The following BBOX1 variants were observed in gnomAD, a reference collection of about 807,000 sequenced individuals.
BBOX1 encodes gamma-butyrobetaine dioxygenase.
A neutral mutation model predicts 41.6 loss-of-function variants in BBOX1; 35 were observed. That is an observed-to-expected ratio of 0.84 (90% CI 0.64 to 1.11). The LOEUF is 1.11. BBOX1 is among the 50% of genes most tolerant of loss of function. The probability of loss-of-function intolerance (pLI) is 0.00; values close to 1 mark genes in which losing one functional copy is unlikely to be tolerated. For synonymous variants in BBOX1, 163 were observed against 154.7 expected (o/e 1.05, Z -0.40); for missense variants, 458 against 460.6 (o/e 0.99, Z 0.05).
chr11:27,081,144 A>C (rs1857821030), intron 4 of BBOX1, among the ~76,000 whole-genome samples: 1 of 152,172 alleles, frequency 6.6e-6, no homozygotes, highest in African/African-American at 2.4e-5. Flanking sequence ...TGTAGCCTTT[A>C]TTCTCATCTC....
intron 4 of BBOX1, among the ~76,000 whole-genome samples, chr11:27,079,442 CAT>C (rs1399436198): frequency 6.6e-6 from 1 of 152,104 alleles, no homozygotes; most frequent in Non-Finnish European, 1.5e-5. Flanking sequence ...TTATATGTCA[CAT>C]ATGTGCTAGA....
chr11:27,048,548 AGATAGAT>A (rs1208617756), intron 2 of BBOX1, among the ~76,000 whole-genome samples: 6 of 151,978 alleles, frequency 3.9e-5, no homozygotes, highest in Non-Finnish European at 7.4e-5. Flanking sequence ...ATAGATAGAT[AGATAGAT>A]AATAGATAGA....
intron 8 of BBOX1, among the ~76,000 whole-genome samples, chr11:27,126,737 G>A (rs1859670500): frequency 6.7e-6 from 1 of 148,298 alleles, no homozygotes; most frequent in South Asian, 2.1e-4. Context: ...GTACAGTGGC[G>A]TGATCTCGGC....
chr11:27,089,608 A>T (rs1404314017), intron 4 of BBOX1, among the ~76,000 whole-genome samples: 1 of 152,044 alleles, frequency 6.6e-6, no homozygotes, highest in Non-Finnish European at 1.5e-5. Flanking sequence ...TTATTCAGTG[A>T]TAAGAACAAA....
At chr11:27,103,971 A>AAAACTGGCT (rs1310751714) in intron 5 of BBOX1, among the ~76,000 whole-genome samples, 1 of 152,172 alleles carries the variant, frequency 6.6e-6, no homozygotes, top group Non-Finnish European at 1.5e-5. Flanking sequence ...GCTATGTTTC[A>AAAACTGGCT]AAACTGGCTA....
At position 27,102,896 on chromosome 11, in the gene BBOX1, A is replaced by G. The variant is rs567679747; in HGVS notation, c.533+9530A>G. ...TGGCAATATGATTTTCTTTTCCTTA[A>G]AAATAATTTGATGGCCAGGCATGGT... On this transcript the variant is annotated intron_variant, in intron 5 of 8. Transcript: ENST00000263182. 4.1e-4 allele frequency among the ~76,000 whole-genome samples: 62 copies of G among 152,242 alleles called. No homozygotes were observed. The Middle Eastern group carries it at 0.01, about 25-fold the overall frequency.
At chr11:27,072,014 G>A (rs896214177) in intron 4 of BBOX1, among the ~76,000 whole-genome samples, 34 of 152,184 alleles carry the variant, frequency 2.2e-4, no homozygotes, top group African/African-American at 7.2e-4. Context: ...CTGGTCACAA[G>A]ACAAGGATGC....
At chr11:27,118,650 A>G (rs576358155) in intron 6 of BBOX1, among the ~76,000 whole-genome samples, 1 of 151,750 alleles carries the variant, frequency 6.6e-6, no homozygotes, top group Admixed American at 6.6e-5. Flanking sequence ...CATGACAGGC[A>G]TGTATTTGCG....
intron 5 of BBOX1, among the ~76,000 whole-genome samples, chr11:27,112,389 C>T (rs948931949): frequency 6.6e-6 from 1 of 151,816 alleles, no homozygotes; most frequent in African/African-American, 2.4e-5. Context: ...CACGTAGGTG[C>T]CTAAAGTTTT....
intron 5 of BBOX1, among the ~76,000 whole-genome samples, chr11:27,101,985 T>A (rs1344110287): frequency 6.6e-6 from 1 of 152,060 alleles, no homozygotes. Flanking sequence ...TTGACAAGTA[T>A]CTCCCCTTTT....
intron 5 of BBOX1, among the ~76,000 whole-genome samples, chr11:27,096,582 C>T (rs934026061): frequency 3.3e-5 from 5 of 151,934 alleles, no homozygotes; most frequent in South Asian, 2.1e-4. Context: ...GTACCCACCT[C>T]GCACTTTGCC....
chr11:27,072,490 T>C (rs1857487167), intron 4 of BBOX1, among the ~76,000 whole-genome samples: 2 of 152,176 alleles, frequency 1.3e-5, no homozygotes, highest in African/African-American at 4.8e-5. Flanking sequence ...AAAATGGCCA[T>C]GCTGCCCAAG....
intron 4 of BBOX1, among the ~76,000 whole-genome samples, chr11:27,064,509 T>C (rs1376239863): frequency 1.3e-5 from 2 of 152,228 alleles, no homozygotes; most frequent in Non-Finnish European, 2.9e-5. Context: ...GAAATATCTC[T>C]AGGTTTTCTG....
intron 2 of BBOX1, among the ~76,000 whole-genome samples, chr11:27,043,715 T>G (rs1851411500): frequency 6.6e-6 from 1 of 152,146 alleles, no homozygotes; most frequent in African/African-American, 2.4e-5. Flanking sequence ...GTTCTTGTGA[T>G]AGTTTGCTGA....
intron 5 of BBOX1, among the ~76,000 whole-genome samples, chr11:27,111,386 A>C (rs1250234087): frequency 1.3e-5 from 2 of 151,978 alleles, no homozygotes; most frequent in Admixed American, 6.6e-5. Flanking sequence ...AAAATTACCC[A>C]TTGGGTACTA....
intron 2 of BBOX1, among the ~76,000 whole-genome samples, chr11:27,049,907 T>G (rs1438168166): frequency 1.3e-5 from 2 of 152,138 alleles, no homozygotes; most frequent in African/African-American, 4.8e-5. Flanking sequence ...TCATTTGGGT[T>G]CATATCCAAA....
At chr11:27,090,134 A>G (rs1858190930) in intron 4 of BBOX1, among the ~76,000 whole-genome samples, 1 of 151,970 alleles carries the variant, frequency 6.6e-6, no homozygotes, top group African/African-American at 2.4e-5. Context: ...GGGGAACTTC[A>G]CGAACATGAA....
At chr11:27,098,524 GAAC>G (rs1418900125) in intron 5 of BBOX1, among the ~76,000 whole-genome samples, 1 of 152,034 alleles carries the variant, frequency 6.6e-6, no homozygotes, top group Non-Finnish European at 1.5e-5. Flanking sequence ...AAAACAAAAT[GAAC>G]AACACTTGTG....
At chr11:27,086,935 G>A (rs1312438849) in intron 4 of BBOX1, among the ~76,000 whole-genome samples, 1 of 152,112 alleles carries the variant, frequency 6.6e-6, no homozygotes, top group Non-Finnish European at 1.5e-5. Context: ...AACTGAAGAT[G>A]TGGTGGAAAT....
Sources: gnomAD v4.1 joint callset for allele counts (sites outside exome capture counted in the v4.1 genomes callset) on GRCh38, gnomAD v4.1.1 for gene constraint, MANE v1.5 for transcripts, NCBI Gene and HGNC (gene_info 2026-07-23, HGNC 2026-07-21) for gene names.